Variants in B3GALT1 observed in about 807,000 individuals in gnomAD.
B3GALT1 encodes the protein UDP-Gal:betaGlcNAc beta 1,3-galactosyltransferase, polypeptide 1.
B3GALT1 carries 10 observed loss-of-function variants against 23.2 expected under a neutral mutation model. That is an observed-to-expected ratio of 0.43 (90% CI 0.27 to 0.73). B3GALT1 has a LOEUF of 0.73. B3GALT1 is among the 30% of genes least tolerant of loss of function. The probability of loss-of-function intolerance (pLI) is 0.21; values close to 1 mark genes in which losing one functional copy is unlikely to be tolerated. For synonymous variants in B3GALT1, 156 were observed against 141.5 expected (o/e 1.10, Z -0.73); for missense variants, 299 against 405.4 (o/e 0.74, Z 2.25).
intron 3 of B3GALT1, among the ~76,000 whole-genome samples, chr2:167,769,039 A>C (rs1688026293): frequency 6.6e-6 from 1 of 152,206 alleles, no homozygotes; most frequent in South Asian, 2.1e-4. Context: ...TAACATAAGA[A>C]ATTTTTCTAT....
chr2:167,316,423 C>T (rs149412667), intron 1 of B3GALT1, among the ~76,000 whole-genome samples: 4 of 151,960 alleles, frequency 2.6e-5, no homozygotes, highest in East Asian at 3.8e-4. Flanking sequence ...AAATATTTTG[C>T]CATCACACCT....
At chr2:167,320,937 A>T (rs1390952442) in intron 1 of B3GALT1, among the ~76,000 whole-genome samples, 2 of 151,842 alleles carry the variant, frequency 1.3e-5, no homozygotes, top group African/African-American at 4.8e-5. Flanking sequence ...TATCCTAAAC[A>T]TGAAAAAAAA....
intron 3 of B3GALT1, among the ~76,000 whole-genome samples, chr2:167,774,682 G>A (rs1454711750): frequency 2.6e-5 from 4 of 151,726 alleles, no homozygotes; most frequent in African/African-American, 7.3e-5. Context: ...ATTTTTAGTA[G>A]AGACAGGGTT....
chr2:167,808,489 A>G (rs565229517), intron 3 of B3GALT1, among the ~76,000 whole-genome samples: 2 of 151,780 alleles, frequency 1.3e-5, no homozygotes, highest in South Asian at 2.1e-4. Context: ...GTGGTGACAA[A>G]ATCTCTCAGC....
intron 2 of B3GALT1, among the ~76,000 whole-genome samples, chr2:167,515,898 AAAC>A (rs1206576113): frequency 5.9e-5 from 9 of 152,086 alleles, no homozygotes; most frequent in Non-Finnish European, 1.3e-4. Flanking sequence ...GACTTGTAAA[AAAC>A]AACGTGATTA....
chr2:167,353,994 G>T (rs1697361075), intron 1 of B3GALT1, among the ~76,000 whole-genome samples: 1 of 152,044 alleles, frequency 6.6e-6, no homozygotes, highest in African/African-American at 2.4e-5. Context: ...ATGGATACTA[G>T]TAGCATTTTC....
intron 3 of B3GALT1, among the ~76,000 whole-genome samples, chr2:167,720,676 GT>G (rs949246561): frequency 2.6e-5 from 4 of 152,206 alleles, no homozygotes; most frequent in Non-Finnish European, 5.9e-5. Flanking sequence ...TGCCAATGCT[GT>G]TGAAAGAAGA....
chr2:167,785,764 GTCAGAC>G (rs1688331489), intron 3 of B3GALT1, among the ~76,000 whole-genome samples: 1 of 152,190 alleles, frequency 6.6e-6, no homozygotes, highest in African/African-American at 2.4e-5. Flanking sequence ...GCAGTGGTTA[GTCAGAC>G]TCCAGATTCC....
At chr2:167,636,223 C>T (rs1685551427) in intron 2 of B3GALT1, among the ~76,000 whole-genome samples, 1 of 151,862 alleles carries the variant, frequency 6.6e-6, no homozygotes, top group African/African-American at 2.4e-5. Context: ...CTACTCCTGC[C>T]TGGCAGGTGA....
At chr2:167,566,522 A>T (rs1031126892) in intron 2 of B3GALT1, among the ~76,000 whole-genome samples, 1 of 150,094 alleles carries the variant, frequency 6.7e-6, no homozygotes, top group East Asian at 2.1e-4. Context: ...ATAAAAGAAT[A>T]AAAAGAAAAA....
At chr2:167,596,225 G>C (rs1193487195) in intron 2 of B3GALT1, among the ~76,000 whole-genome samples, 1 of 152,184 alleles carries the variant, frequency 6.6e-6, no homozygotes, top group African/African-American at 2.4e-5. Context: ...GAGAACGATA[G>C]GTCATTTGCT....
intron 2 of B3GALT1, among the ~76,000 whole-genome samples, chr2:167,583,076 G>A (rs73026078): frequency 0.018 from 2,790 of 152,240 alleles, 84 homozygotes; most frequent in African/African-American, 0.064. Flanking sequence ...GGCCCATGAG[G>A]GAGAGGGACA....
At chr2:167,663,141 G>A (rs1436642244) in intron 3 of B3GALT1, among the ~76,000 whole-genome samples, 1 of 123,070 alleles carries the variant, frequency 8.1e-6, no homozygotes, top group Non-Finnish European at 1.6e-5. Context: ...CCAAGAGTGT[G>A]ATGTTCCCCT....
At chr2:167,380,665 G>A (rs1426796702) in intron 1 of B3GALT1, among the ~76,000 whole-genome samples, 1 of 152,094 alleles carries the variant, frequency 6.6e-6, no homozygotes, top group Non-Finnish European at 1.5e-5. Context: ...GTGTTTCCTT[G>A]TGTCTTTCCC....
At chr2:167,579,588 A>C (rs1326788285) in intron 2 of B3GALT1, among the ~76,000 whole-genome samples, 1 of 151,992 alleles carries the variant, frequency 6.6e-6, no homozygotes, top group African/African-American at 2.4e-5. Flanking sequence ...CTGCTAGGTT[A>C]AAGTCCTCAA....
intron 4 of B3GALT1, among the ~76,000 whole-genome samples, chr2:167,835,045 G>T (rs1431621718): frequency 6.6e-6 from 1 of 152,114 alleles, no homozygotes; most frequent in African/African-American, 2.4e-5. Flanking sequence ...CTTTTTGAGG[G>T]GAGGAGCCAA....
intron 2 of B3GALT1, among the ~76,000 whole-genome samples, chr2:167,573,362 CTGTT>C (rs1185752970): frequency 6.6e-6 from 1 of 151,690 alleles, no homozygotes; most frequent in Non-Finnish European, 1.5e-5. Context: ...TTATTGAATT[CTGTT>C]TGACACCAGA....
intron 1 of B3GALT1, among the ~76,000 whole-genome samples, chr2:167,398,709 G>T (rs1246293168): frequency 6.6e-6 from 1 of 152,112 alleles, no homozygotes; most frequent in Non-Finnish European, 1.5e-5. Flanking sequence ...AGACTTAACT[G>T]CTCAGAGTAT....
intron 3 of B3GALT1, among the ~76,000 whole-genome samples, chr2:167,669,694 T>G (rs1686286825): frequency 1.3e-5 from 2 of 152,352 alleles, no homozygotes; most frequent in Middle Eastern, 3.4e-3. Flanking sequence ...AAATATTTTA[T>G]TCTTTGAAAA....
Sources: gnomAD v4.1 joint callset for allele counts (sites outside exome capture counted in the v4.1 genomes callset) on GRCh38, gnomAD v4.1.1 for gene constraint, MANE v1.5 for transcripts, NCBI Gene and HGNC (gene_info 2026-07-23, HGNC 2026-07-21) for gene names.